Variants in APBB2 observed in about 807,000 individuals in gnomAD.
APBB2 encodes amyloid beta precursor protein binding family B member 2.
In APBB2, 38 loss-of-function variants were observed where a neutral mutation model predicts 82.5. The observed-to-expected ratio is 0.46, with a 90% confidence interval of 0.36 to 0.60. The LOEUF is 0.60. Ranked by LOEUF, APBB2 falls within the 20% of genes least tolerant of loss-of-function variation. The probability of loss-of-function intolerance (pLI) is 0.00; values close to 1 mark genes in which losing one functional copy is unlikely to be tolerated. For synonymous variants in APBB2, 341 were observed against 368.2 expected (o/e 0.93, Z 0.85); for missense variants, 772 against 972.3 (o/e 0.79, Z 2.74).
chr4:40,928,660 T>C (rs1032964434), intron 10 of APBB2, among the ~76,000 whole-genome samples: 1 of 151,932 alleles, frequency 6.6e-6, no homozygotes, highest in Non-Finnish European at 1.5e-5. Context: ...CCAAGGCGGA[T>C]AGATCACTTG....
chr4:41,081,061 C>G (rs991716477), intron 3 of APBB2, among the ~76,000 whole-genome samples: 1 of 152,226 alleles, frequency 6.6e-6, no homozygotes, highest in Non-Finnish European at 1.5e-5. Flanking sequence ...ACCACACATT[C>G]TTCTACGTAG....
rs1764616095 is a variant in APBB2, at chr4:41,159,978, GAA to G, written c.-416-16838_-416-16837del. ...AGGAGAAGGAGAAGAAGAAGAAGAA[GAA>G]GAAGAAGAAGAAGAAGAAGAAGAAG... On this transcript the variant is annotated intron_variant, in intron 1 of 17. Coordinates refer to ENST00000508593, the MANE Select transcript of APBB2 (RefSeq NM_004307.2). Among the ~76,000 whole-genome samples, 16 of 133,448 alleles carry G rather than the reference GAA, an allele frequency of 1.2e-4. 3 individuals are homozygous for G. In the South Asian group the frequency reaches 3.6e-3, roughly 30 times the overall value. 87.5% of individuals were successfully genotyped at this position (133,448 alleles called of 152,430 possible).
intron 3 of APBB2, among the ~76,000 whole-genome samples, chr4:41,098,016 C>A (rs962772958): frequency 1.3e-5 from 2 of 151,770 alleles, no homozygotes; most frequent in South Asian, 2.1e-4. Context: ...CTCCCCCCTC[C>A]CCTCCCGTCC....
intron 2 of APBB2, among the ~76,000 whole-genome samples, chr4:41,138,369 C>G (rs779811977): frequency 2.0e-5 from 3 of 152,144 alleles, no homozygotes; most frequent in Non-Finnish European, 2.9e-5. Flanking sequence ...CACAGTTTCC[C>G]ATATTGATGC....
At chr4:41,011,695 T>C (rs1050074255) in intron 6 of APBB2, among the ~76,000 whole-genome samples, 1 of 152,136 alleles carries the variant, frequency 6.6e-6, no homozygotes, top group Non-Finnish European at 1.5e-5. Context: ...CCTTCCAAAG[T>C]GCTGGGATTA....
chr4:40,995,343 T>C (rs1256755185), intron 6 of APBB2, among the ~76,000 whole-genome samples: 1 of 152,116 alleles, frequency 6.6e-6, no homozygotes. Flanking sequence ...CTTTAGTATT[T>C]CTCGAGAAGT....
At chr4:41,146,747 C>A (rs1019809574) in intron 1 of APBB2, among the ~76,000 whole-genome samples, 1 of 152,192 alleles carries the variant, frequency 6.6e-6, no homozygotes, top group Admixed American at 6.5e-5. Context: ...GAGAGGAGGA[C>A]AGGTGGCAAT....
At chr4:40,895,707 C>T (rs1370373555) in intron 10 of APBB2, among the ~76,000 whole-genome samples, 7 of 152,238 alleles carry the variant, frequency 4.6e-5, no homozygotes, top group Admixed American at 4.6e-4. Context: ...CATGTCGGTT[C>T]CCAACCCAGG....
chr4:41,200,803 G>A (rs73232117), intron 1 of APBB2, among the ~76,000 whole-genome samples: 17,658 of 151,966 alleles, frequency 0.12, 1,273 homozygotes, highest in South Asian at 0.18. Flanking sequence ...CCTCTCTATC[G>A]TCCTGGGGAA....
intron 5 of APBB2, among the ~76,000 whole-genome samples, chr4:41,016,582 T>C (rs559150262): frequency 1.3e-5 from 2 of 151,392 alleles, no homozygotes; most frequent in Non-Finnish European, 2.9e-5. Flanking sequence ...ACTCGGGAGG[T>C]AGAGGTTGCA....
At chr4:40,976,111 A>G (rs1054075082) in intron 6 of APBB2, among the ~76,000 whole-genome samples, 5 of 152,222 alleles carry the variant, frequency 3.3e-5, no homozygotes, top group Admixed American at 2.6e-4. Flanking sequence ...ATAAAATATT[A>G]ATAATGTTTA....
intron 4 of APBB2, among the ~76,000 whole-genome samples, chr4:41,046,292 T>A (rs1325316015): frequency 1.3e-5 from 2 of 152,190 alleles, no homozygotes; most frequent in Non-Finnish European, 2.9e-5. Context: ...CTTCTTGTAG[T>A]GAGAGGAAGG....
intron 12 of APBB2, among the ~76,000 whole-genome samples, chr4:40,882,320 C>G (rs553079429): frequency 1.6e-4 from 25 of 152,262 alleles, no homozygotes; most frequent in African/African-American, 5.8e-4. Context: ...CCTCCTGGAG[C>G]AAAACCTCGG....
chr4:40,913,943 C>A (rs375739774), intron 10 of APBB2, among the ~76,000 whole-genome samples: 1 of 152,042 alleles, frequency 6.6e-6, no homozygotes, highest in African/African-American at 2.4e-5. Flanking sequence ...ATAACATACA[C>A]TAAATAAGGG....
At chr4:41,105,344 A>AAAAAC (rs1746805625) in intron 2 of APBB2, among the ~76,000 whole-genome samples, 5 of 152,210 alleles carry the variant, frequency 3.3e-5, no homozygotes, top group African/African-American at 1.2e-4. Context: ...AAATTACTAC[A>AAAAAC]TGTTTTGTTT....
chr4:41,126,524 T>A (rs1754447650), intron 2 of APBB2, among the ~76,000 whole-genome samples: 1 of 152,114 alleles, frequency 6.6e-6, no homozygotes, highest in Non-Finnish European at 1.5e-5. Context: ...CACTACTGAG[T>A]CTCCCTCTTC....
chr4:41,101,499 A>AAAG (rs1234251053), intron 2 of APBB2, among the ~76,000 whole-genome samples: 1 of 140,924 alleles, frequency 7.1e-6, no homozygotes, highest in Non-Finnish European at 1.6e-5. Context: ...AAAAAAAAAA[A>AAAG]AAGAAGTGAA....
chr4:41,121,266 T>C (rs1752718501), intron 2 of APBB2, among the ~76,000 whole-genome samples: 1 of 152,260 alleles, frequency 6.6e-6, no homozygotes, highest in South Asian at 2.1e-4. Context: ...ATCAGTAACA[T>C]ACGTGCTTTG....
At chr4:40,827,326 G>T in intron 13 of APBB2, 107 bp from the exon 14 acceptor site, 1 of 902,388 alleles carries the variant, frequency 1.1e-6, no homozygotes, top group Non-Finnish European at 1.8e-6. Context: ...AGTTAGATCA[G>T]CTTTAGTCTA....
Sources: allele counts gnomAD v4.1 joint callset (sites outside exome capture counted in the v4.1 genomes callset), GRCh38; gene constraint gnomAD v4.1.1; transcripts MANE v1.5; gene names NCBI Gene and HGNC (gene_info 2026-07-23, HGNC 2026-07-21).